The following MYH11 variants were observed in gnomAD, a reference collection of about 807,000 sequenced individuals.
MYH11 encodes the protein myosin-11.
MYH11 carries 80 observed loss-of-function variants against 246.6 expected under a neutral mutation model. The ratio of observed to expected loss-of-function variants is 0.32; its 90% confidence interval spans 0.27 to 0.39. The LOEUF is 0.39. Ranked by LOEUF, MYH11 falls within the 10% of genes least tolerant of loss-of-function variation. The pLI is 1.00. For missense variants in MYH11, 2,158 were observed against 2,546.8 expected (o/e 0.85, Z 3.29); for synonymous variants, 1,071 against 1,015.5 (o/e 1.05, Z -1.04).
intron 4 of MYH11, among the ~76,000 whole-genome samples, chr16:15,795,839 G>A (rs1434603853): frequency 6.6e-6 from 1 of 152,184 alleles, no homozygotes; most frequent in Non-Finnish European, 1.5e-5. Context: ...TGGGGAAACT[G>A]AGGCTCAGAG....
At chr16:15,756,552 C>G (rs780854366) in intron 13 of MYH11, 38 bp from the exon 14 acceptor site, 1 of 1,611,380 alleles carries the variant, frequency 6.2e-7, no homozygotes, top group Non-Finnish European at 8.5e-7. Context: ...AGAGAGAACA[C>G]CCAACCTCAG....
At chr16:15,726,759 G>C (rs2040782672) in intron 28 of MYH11, 89 bp downstream of exon 28, 1 of 1,481,980 alleles carries the variant, frequency 6.7e-7, no homozygotes, top group East Asian at 2.3e-5. Context: ...TGCAGCAAGA[G>C]AGACCTCAGC....
chr16:15,838,898 G>A (rs2043979415), intron 1 of MYH11, among the ~76,000 whole-genome samples: 3 of 149,182 alleles, frequency 2.0e-5, no homozygotes, highest in South Asian at 2.1e-4. Flanking sequence ...GGAAGTAAGT[G>A]TACACGTGCT....
chr16:15,729,824 T>C (rs906362105), intron 27 of MYH11, among the ~76,000 whole-genome samples: 3 of 152,040 alleles, frequency 2.0e-5, no homozygotes, highest in Admixed American at 1.3e-4. Context: ...GTGCTGGGAT[T>C]ACAGGCGTGA....
At chr16:15,732,183 G>C (rs540952750) in intron 27 of MYH11, among the ~76,000 whole-genome samples, 1 of 151,900 alleles carries the variant, frequency 6.6e-6, no homozygotes, top group African/African-American at 2.4e-5. Flanking sequence ...GGCTGGTCTC[G>C]AACTCCTGAC....
At chr16:15,759,992 G>T (rs1159391946) in intron 11 of MYH11, among the ~76,000 whole-genome samples, 2 of 152,156 alleles carry the variant, frequency 1.3e-5, no homozygotes, top group Admixed American at 6.5e-5. Context: ...AGCTGCTTGG[G>T]GGACTGAGGC....
Position 15,818,758 on chromosome 16 carries a change from A to G in MYH11, c.502+4497T>C, listed in dbSNP as rs144669322. Among the ~76,000 whole-genome samples the G allele has an allele frequency of 1.2e-3, 188 of 152,148 alleles. 4 individuals carry two copies. Among genetic ancestry groups the G allele is most frequent in the Non-Finnish European group, 2.6e-4 (18 of 67,978 alleles). On this transcript the variant is annotated intron_variant, in intron 3 of 40. Transcript: ENST00000300036. The stretch of plus-strand genomic sequence containing the variant: ...ATTCTTTTTATTTTTGGAGTCCGCC[A>G]TCAATGATTTGCCAGAAAGCACCAG...
intron 1 of MYH11, among the ~76,000 whole-genome samples, chr16:15,845,617 C>T (rs193079781): frequency 6.6e-6 from 1 of 152,104 alleles, no homozygotes; most frequent in Non-Finnish European, 1.5e-5. Flanking sequence ...TTTAAACAGG[C>T]AGCAAAATAG....
At chr16:15,707,614 A>G (rs1274885530) in intron 40 of MYH11, among the ~76,000 whole-genome samples, 3 of 152,234 alleles carry the variant, frequency 2.0e-5, no homozygotes, top group African/African-American at 4.8e-5. Context: ...AGATTCTCCA[A>G]AAATGAAGAT....
At chr16:15,829,442 G>A (rs981881915) in intron 2 of MYH11, among the ~76,000 whole-genome samples, 4 of 152,242 alleles carry the variant, frequency 2.6e-5, no homozygotes, top group South Asian at 4.1e-4. Flanking sequence ...GCAGGCAGCC[G>A]CACATCTCAC....
Position 15,804,166 on chromosome 16 carries a change from TTCTC to T in MYH11, c.503-5483_503-5480del, listed in dbSNP as rs58442204. Among the ~76,000 whole-genome samples the T allele has an allele frequency of 8.0e-3, 1,206 of 151,390 alleles. 9 individuals carry two copies. Among genetic ancestry groups the T allele is most frequent in the African/African-American group, 0.026 (1,094 of 41,404 alleles). On this transcript the variant is annotated intron_variant, in intron 3 of 40. Coordinates refer to ENST00000300036, the MANE Select transcript of MYH11 (RefSeq NM_002474.3). ...ACCACTTCTTCTCTGGCCTAATCCA[TTCTC>T]TCTCTCTCTCTCTTTTTTCCTTCCA...
At chr16:15,829,420 G>A (rs2151371985) in intron 2 of MYH11, among the ~76,000 whole-genome samples, 1 of 152,300 alleles carries the variant, frequency 6.6e-6, no homozygotes, top group Admixed American at 6.5e-5. Flanking sequence ...ATGGAGTGAA[G>A]GTAAGACTGG....
At chr16:15,836,995 G>A (rs2043915446) in intron 2 of MYH11, among the ~76,000 whole-genome samples, 1 of 152,190 alleles carries the variant, frequency 6.6e-6, no homozygotes. Context: ...AGCGTGCTGG[G>A]ATTACAGGCA....
chr16:15,705,224 C>A (rs1488700198), intron 40 of MYH11, among the ~76,000 whole-genome samples: 1 of 152,200 alleles, frequency 6.6e-6, no homozygotes, highest in African/African-American at 2.4e-5. Flanking sequence ...TCAAACGATC[C>A]ACCTGTCTTA....
chr16:15,755,756 A>C (rs1158512343), intron 14 of MYH11, among the ~76,000 whole-genome samples: 1 of 152,168 alleles, frequency 6.6e-6, no homozygotes, highest in Non-Finnish European at 1.5e-5. Flanking sequence ...AACATGGCGA[A>C]ACCCTTCTCT....
intron 38 of MYH11, among the ~76,000 whole-genome samples, 161 bp from the exon 39 acceptor site, chr16:15,715,433 G>A (rs1360020189): frequency 6.6e-6 from 1 of 152,164 alleles, no homozygotes; most frequent in Non-Finnish European, 1.5e-5. Flanking sequence ...CCATGAAAAG[G>A]AATAAAGTAT....
chr16:15,852,887 G>A (rs774832849), intron 1 of MYH11, among the ~76,000 whole-genome samples: 10 of 152,126 alleles, frequency 6.6e-5, no homozygotes, highest in Non-Finnish European at 7.4e-5. Context: ...ATCCCGATCT[G>A]TTTGAAGCCT....
chr16:15,714,362 G>T (rs1326170220), intron 40 of MYH11: 1 of 172,382 alleles, frequency 5.8e-6, no homozygotes, highest in Non-Finnish European at 1.3e-5. Flanking sequence ...ATTGCAGGGT[G>T]GTGGGGGACT....
At chr16:15,754,599 AC>A (rs2041663158) in intron 14 of MYH11, among the ~76,000 whole-genome samples, 1 of 152,212 alleles carries the variant, frequency 6.6e-6, no homozygotes, top group South Asian at 2.1e-4. Flanking sequence ...GAGTTGGGAA[AC>A]TTTTGGTGAA....
Sources: allele counts gnomAD v4.1 joint callset (sites outside exome capture counted in the v4.1 genomes callset), GRCh38; gene constraint gnomAD v4.1.1; transcripts MANE v1.5; gene names NCBI Gene and HGNC (gene_info 2026-07-23, HGNC 2026-07-21).